Variants in PRP4K observed in about 807,000 individuals in gnomAD.
The protein encoded by PRP4K is serine/threonine-protein kinase PRP4 homolog.
the PRP4K span, among the ~76,000 whole-genome samples, chr6:4,047,838 G>A: frequency 6.6e-6 from 1 of 151,422 alleles, no homozygotes; most frequent in Non-Finnish European, 1.5e-5. Context: ...CATAAGAGGA[G>A]GTAGAGAAGA....
the PRP4K span, among the ~76,000 whole-genome samples, chr6:4,048,768 GGTGTCACT>G: frequency 6.6e-6 from 1 of 151,336 alleles, no homozygotes; most frequent in Non-Finnish European, 1.5e-5. Flanking sequence ...GTAGAGAAGG[GGTGTCACT>G]GTGTTGCCCA....
the PRP4K span, among the ~76,000 whole-genome samples, chr6:4,054,707 T>A: frequency 6.6e-6 from 1 of 152,280 alleles, no homozygotes; most frequent in East Asian, 1.9e-4. Context: ...GGTTTCACCA[T>A]GTTGGCCAGG....
chr6:4,025,735 T>C, the PRP4K span, among the ~76,000 whole-genome samples: 1 of 152,218 alleles, frequency 6.6e-6, no homozygotes, highest in Admixed American at 6.5e-5. Flanking sequence ...GGTAGACTCT[T>C]AACAATTTTT....
the PRP4K span, among the ~76,000 whole-genome samples, chr6:4,026,901 G>C: frequency 1.3e-5 from 2 of 152,272 alleles, no homozygotes; most frequent in East Asian, 3.9e-4. Context: ...GACAAGGTAG[G>C]CCAAGGTAGC....
the PRP4K span, among the ~76,000 whole-genome samples, chr6:4,043,338 C>CT: frequency 3.9e-5 from 6 of 152,108 alleles, no homozygotes; most frequent in African/African-American, 1.4e-4. Context: ...GTGGATGAAT[C>CT]TTTTTTTATT....
the PRP4K span, chr6:4,031,687 A>G: frequency 3.7e-6 from 6 of 1,605,566 alleles, no homozygotes; most frequent in African/African-American, 4.0e-5. Flanking sequence ...CATAAGAAAC[A>G]TAAACATTCC....
At chr6:4,060,385 A>G in the PRP4K span, 1 of 1,589,880 alleles carries the variant, frequency 6.3e-7, no homozygotes, top group East Asian at 2.3e-5. This position sits in a 1 kb window ranked among gnomAD's most constrained non-coding sequence, Gnocchi z 4.7. Context: ...ACTTATTTAG[A>G]GATACGCATT....
the PRP4K span, among the ~76,000 whole-genome samples, chr6:4,046,224 CTT>C: frequency 6.6e-6 from 1 of 152,196 alleles, no homozygotes; most frequent in African/African-American, 2.4e-5. Context: ...AAATTCCACT[CTT>C]TTATAAGGGT....
At chr6:4,048,811 T>TC in the PRP4K span, among the ~76,000 whole-genome samples, 2 of 151,950 alleles carry the variant, frequency 1.3e-5, no homozygotes, top group African/African-American at 4.8e-5. Context: ...TTTGTTTTTT[T>TC]TTTTTAGTGT....
chr6:4,037,181 CTG>C, the PRP4K span, among the ~76,000 whole-genome samples: 2 of 151,998 alleles, frequency 1.3e-5, no homozygotes, highest in Admixed American at 6.6e-5. Context: ...ATTTTTCAAA[CTG>C]TGGGACCAGA....
chr6:4,031,679 TAAG>T, the PRP4K span: 7 of 1,605,390 alleles, frequency 4.4e-6, no homozygotes, highest in Non-Finnish European at 6.0e-6. Context: ...GAAGTAAACA[TAAG>T]AAACATAAAC....
the PRP4K span, among the ~76,000 whole-genome samples, chr6:4,048,160 C>T: frequency 1.3e-5 from 2 of 151,894 alleles, no homozygotes; most frequent in African/African-American, 4.8e-5. Context: ...GGGTGGATCA[C>T]GAGGTCAGGA....
chr6:4,021,635 T>G, the PRP4K span, among the ~76,000 whole-genome samples: 70 of 152,172 alleles, frequency 4.6e-4, 1 homozygote, highest in Admixed American at 4.2e-3. Flanking sequence ...CCTTCGAGCT[T>G]CCTTCTCCCA....
chr6:4,037,289 C>A, the PRP4K span: 1 of 1,047,754 alleles, frequency 9.5e-7, no homozygotes, highest in Non-Finnish European at 1.3e-6. Flanking sequence ...AATCAAAGTT[C>A]ACTTTCTTTA....
chr6:4,021,367 C>G, the PRP4K span: 156 of 1,552,280 alleles, frequency 1.0e-4, 1 homozygote, highest in Middle Eastern at 5.4e-3. Flanking sequence ...CTCCACTTCC[C>G]CTACCCTCCA....
the PRP4K span, among the ~76,000 whole-genome samples, chr6:4,050,957 A>T: frequency 6.6e-6 from 1 of 151,988 alleles, no homozygotes; most frequent in Non-Finnish European, 1.5e-5. Flanking sequence ...GCTGGAGTGC[A>T]GTGGCATGGT....
chr6:4,051,679 T>C, the PRP4K span, among the ~76,000 whole-genome samples: 1 of 152,168 alleles, frequency 6.6e-6, no homozygotes, highest in African/African-American at 2.4e-5. Context: ...TTTTTAAAAA[T>C]CAAAATAAGA....
the PRP4K span, among the ~76,000 whole-genome samples, chr6:4,033,017 T>A: frequency 6.6e-6 from 1 of 152,232 alleles, no homozygotes; most frequent in African/African-American, 2.4e-5. Flanking sequence ...CTTGATTTAA[T>A]ACCTAGTTTG....
At chr6:4,021,475 T>G in the PRP4K span, 1 of 1,578,178 alleles carries the variant, frequency 6.3e-7, no homozygotes, top group African/African-American at 1.3e-5. Flanking sequence ...GAGTAAGTAG[T>G]CTCTGTGAGT....
Sources: allele counts gnomAD v4.1 joint callset (sites outside exome capture counted in the v4.1 genomes callset), GRCh38; gene constraint gnomAD v4.1.1; non-coding constraint Gnocchi (gnomAD v3.1); transcripts MANE v1.5; gene names NCBI Gene and HGNC (gene_info 2026-07-23, HGNC 2026-07-21).